NXN: variants seen among roughly 807,000 people sequenced by gnomAD.
The protein encoded by NXN is nucleoredoxin 1.
NXN carries 16 observed loss-of-function variants against 48.6 expected under a neutral mutation model. The observed-to-expected ratio is 0.33, with a 90% CI of 0.22 to 0.50. The LOEUF is 0.50. Ranked by LOEUF, NXN falls within the 20% of genes least tolerant of loss-of-function variation. The pLI, the probability that NXN is intolerant of heterozygous loss-of-function variation, is 0.98. For synonymous variants in NXN, 281 were observed against 269.6 expected, an observed-to-expected ratio of 1.04 and a Z score of -0.41; for missense variants, 492 against 605.5, an observed-to-expected ratio of 0.81 and a Z score of 1.97.
chr17:834,276 C>T (rs550453565), intron 1 of NXN, among the ~76,000 whole-genome samples: 89 of 152,278 alleles, frequency 5.8e-4, no homozygotes, highest in African/African-American at 1.8e-3. Flanking sequence ...GAGCTGTGAT[C>T]GTGTCACTGC....
intron 6 of NXN, 141 bp from the exon 7 acceptor site, chr17:803,947 G>T: frequency 9.5e-7 from 1 of 1,051,968 alleles, no homozygotes; most frequent in Non-Finnish European, 1.4e-6. Flanking sequence ...CCCCTTGGAT[G>T]CAGGTCTTGC....
At chr17:846,413 CAAA>C (rs757262418) in intron 1 of NXN, among the ~76,000 whole-genome samples, 2 of 62,696 alleles carry the variant, frequency 3.2e-5, no homozygotes, top group Non-Finnish European at 6.3e-5. Flanking sequence ...GAAATTGTCT[CAAA>C]AAAAAAAAAA....
In NXN at chr17:907,779, C is replaced by CT. The variant is rs1412423338; in HGVS notation, c.360+71539_360+71540insA. 7 of 152,164 alleles carry CT rather than the reference C, an allele frequency of 4.6e-5. No homozygotes were observed. In the East Asian group the frequency reaches 1.3e-3, roughly 29 times the overall value. 9.4% of individuals were successfully genotyped at this position (152,164 alleles called of 1,614,324 possible). ...GACACAGGCATGTCTTCAGACACTG[C>CT]AACTTTCATAAATGGCCACAAAATA... On this transcript the variant is annotated intron_variant, in intron 1 of 7. Coordinates refer to ENST00000336868, the MANE Select transcript of NXN (RefSeq NM_022463.5).
At chr17:915,217 A>G (rs543940942) in intron 1 of NXN, among the ~76,000 whole-genome samples, 113 of 152,220 alleles carry the variant, frequency 7.4e-4, no homozygotes, top group Non-Finnish European at 1.4e-3. Flanking sequence ...TACAGGCGTG[A>G]GCCACTGCAC....
chr17:965,253 C>T (rs2069288329), intron 1 of NXN, among the ~76,000 whole-genome samples: 1 of 152,176 alleles, frequency 6.6e-6, no homozygotes, highest in African/African-American at 2.4e-5. Context: ...CAGCAACCCA[C>T]CGACGGAGGG....
intron 5 of NXN, among the ~76,000 whole-genome samples, chr17:810,007 C>CCG (rs1218582462): frequency 3.4e-4 from 39 of 114,930 alleles, no homozygotes; most frequent in East Asian, 4.8e-4. Flanking sequence ...CGTTACGAGT[C>CCG]TGTGAGTGGC....
In NXN at chr17:803,793, G is replaced by A. The variant is rs200904852; in HGVS notation, c.1014C>T (p.Asp338=). 53 of 1,614,158 alleles carry A rather than the reference G, an allele frequency of 3.3e-5. No homozygotes were observed. Among genetic ancestry groups the A allele is most frequent in the African/African-American group, 2.1e-4 (16 of 75,058 alleles). The part of the protein sequence containing the change: ...CLVLFVDSED[D]GESEAAKQLI... The stretch of plus-strand genomic sequence containing the variant: ...GCTGCTTGGCCGCCTCGGACTCTCC[G>A]TCATCCTCAGAATCTGTGATTGGGT... Residue 338 remains aspartate, a synonymous_variant, in exon 7 of 8, where the codon GAC becomes GAT. Transcript: ENST00000336868.
chr17:969,909 C>T (rs1044409311), intron 1 of NXN, among the ~76,000 whole-genome samples: 1 of 152,160 alleles, frequency 6.6e-6, no homozygotes, highest in African/African-American at 2.4e-5. Flanking sequence ...TGAGATAAAA[C>T]CGTCATTCAC....
rs1911423780 is a variant in NXN at position 805,190 on chromosome 17, C to T, written c.878G>A (p.Arg293Gln). Residue 293 changes from arginine to glutamine, a missense_variant, in exon 6 of 8, where the codon CGG (arginine) becomes CAG (glutamine). By Grantham distance (43) the Arg-to-Gln change is conservative. Transcript: ENST00000336868. Reference protein sequence around the residue: ...PQGEVITRQGRVEVLNDEDCR... With the variant: ...PQGEVITRQGQVEVLNDEDCR... ...GTCCTCGTCGTTCAGCACCTCCACC[C>T]GCCCCTGCCGCGTGATCACCTCGCC... is the stretch of plus-strand genomic sequence containing the variant. The T allele has an allele frequency of 1.9e-6, 3 of 1,610,848 alleles. No homozygotes were observed. Among genetic ancestry groups the T allele is most frequent in the Non-Finnish European group, 2.5e-6 (3 of 1,179,234 alleles).
At chr17:819,745 G>A (rs1912715761) in intron 4 of NXN, among the ~76,000 whole-genome samples, 200 bp from the exon 5 acceptor site, 1 of 152,078 alleles carries the variant, frequency 6.6e-6, no homozygotes, top group South Asian at 2.1e-4. Context: ...CCTCCACACA[G>A]CAGGTGGGTG....
At chr17:828,704 AG>A (rs914658195) in intron 1 of NXN, among the ~76,000 whole-genome samples, 4 of 152,170 alleles carry the variant, frequency 2.6e-5, no homozygotes, top group Middle Eastern at 3.4e-3. Context: ...ACCCGGCCCC[AG>A]TTTTTAAATT....
At chr17:894,961 C>A (rs2068460450) in intron 1 of NXN, among the ~76,000 whole-genome samples, 1 of 149,992 alleles carries the variant, frequency 6.7e-6, no homozygotes, top group Non-Finnish European at 1.5e-5. Flanking sequence ...TCCCTGATTG[C>A]CTTTCTCTCT....
chr17:895,011 TTTTTTTTTTTTTTTTTTTTTTTTG>T (rs2068461793), intron 1 of NXN, among the ~76,000 whole-genome samples: 2 of 47,032 alleles, frequency 4.3e-5, no homozygotes, highest in African/African-American at 9.9e-5. Context: ...TTTTTTTTTT[TTTTTTTTTTTTTTTTTTTTTTTTG>T]AGACTAAATC....
intron 2 of NXN, among the ~76,000 whole-genome samples, chr17:824,201 G>A (rs532430739): frequency 2.9e-4 from 44 of 152,150 alleles, no homozygotes; most frequent in African/African-American, 9.9e-4. Context: ...CACCAGGCCC[G>A]GCTAATGTTT....
intron 1 of NXN, among the ~76,000 whole-genome samples, chr17:974,224 G>A (rs887075258): frequency 4.6e-5 from 7 of 151,562 alleles, no homozygotes; most frequent in East Asian, 2.0e-4. Context: ...GGTGGTGGGC[G>A]CCTGTAGTCC....
Position 825,886 on chromosome 17 carries a change from C to A in NXN, c.478+75G>T. The A allele has an allele frequency of 2.2e-6, 2 of 909,418 alleles. No individual in the cohort carries two copies. The highest frequency in any genetic ancestry group is 1.7e-6 in the Non-Finnish European group (1 of 572,704). 56.3% of individuals were successfully genotyped at this position (909,418 alleles called of 1,614,324 possible). On this transcript the variant is annotated intron_variant, in intron 2 of 7. Transcript: ENST00000336868. This position sits in a 1 kb window ranked among gnomAD's most constrained non-coding sequence, Gnocchi z 4.1. ...ACCAGTACTCTCTCCACCGGTGGGA[C>A]GGAGATTAGCCTAAGGGCATGGAGG...
intron 1 of NXN, among the ~76,000 whole-genome samples, chr17:937,087 A>G (rs1311221054): frequency 1.3e-5 from 2 of 151,726 alleles, no homozygotes; most frequent in Non-Finnish European, 2.9e-5. Flanking sequence ...GGCTCAAGTG[A>G]TCCTCCCACC....
At position 958,659 on chromosome 17, in the gene NXN, T is replaced by TA. The variant is rs1490844673; in HGVS notation, c.360+20659dup. 6.6e-6 allele frequency among the ~76,000 whole-genome samples: 1 copy of TA among 152,048 alleles called. No individual in the cohort carries two copies. The highest frequency in any genetic ancestry group is 1.5e-5 in the Non-Finnish European group (1 of 68,026). ...GGTGGCGTGCGCCTGTAGTCCCAGCTACTCAGGAGGCTGAGGCAGGAGAAT... is the reference window on the plus strand; with the variant it reads ...GGTGGCGTGCGCCTGTAGTCCCAGCTAACTCAGGAGGCTGAGGCAGGAGAAT... On this transcript the variant is annotated intron_variant, in intron 1 of 7. Transcript: ENST00000336868. This position sits in a 1 kb window ranked among gnomAD's most constrained non-coding sequence, Gnocchi z 6.9.
intron 1 of NXN, among the ~76,000 whole-genome samples, chr17:846,967 T>G (rs1445673372): frequency 6.6e-6 from 1 of 152,152 alleles, no homozygotes; most frequent in East Asian, 1.9e-4. Context: ...TCTCGAAACT[T>G]TCCGCAGCTT....
Sources: allele counts gnomAD v4.1 joint callset (sites outside exome capture counted in the v4.1 genomes callset), GRCh38; gene constraint gnomAD v4.1.1; non-coding constraint Gnocchi (gnomAD v3.1); transcripts MANE v1.5; gene names NCBI Gene and HGNC (gene_info 2026-07-23, HGNC 2026-07-21).